Variants in CCNE2 observed in about 807,000 individuals in gnomAD.
CCNE2 encodes G1/S-specific cyclin-E2.
A neutral mutation model predicts 56.8 loss-of-function variants in CCNE2; 18 were observed. That is an observed-to-expected ratio of 0.32 (90% CI 0.22 to 0.47). The LOEUF (loss-of-function observed/expected upper bound fraction) is 0.47. Among genes scored for constraint, CCNE2 ranks in the 20% least tolerant of loss-of-function variants. The pLI, the probability that CCNE2 is intolerant of heterozygous loss-of-function variation, is 1.00. For missense variants in CCNE2, 371 were observed against 467.1 expected (o/e 0.79, Z 1.90); for synonymous variants, 139 against 149.2 (o/e 0.93, Z 0.50).
chr8:94,896,066 G>C (rs1379430556), upstream of CCNE2: 2 of 153,714 alleles, frequency 1.3e-5, no homozygotes, highest in South Asian at 2.1e-4. Flanking sequence ...CGCAGGAAAC[G>C]CTCGCGCCAC....
intron 6 of CCNE2, among the ~76,000 whole-genome samples, chr8:94,889,930 A>G (rs1021255115): frequency 6.6e-6 from 1 of 152,212 alleles, no homozygotes; most frequent in Non-Finnish European, 1.5e-5. Context: ...GAATATAATA[A>G]AGAGAAGGTA....
upstream of CCNE2, chr8:94,895,820 C>G (rs541040353): frequency 1.3e-5 from 2 of 152,566 alleles, no homozygotes; most frequent in South Asian, 2.1e-4. Context: ...ACGCGCCTGG[C>G]CAAGTGCGGC....
intron 5 of CCNE2, chr8:94,891,659 CAAAAAAA>C (rs34021439): frequency 3.8e-5 from 10 of 263,344 alleles, no homozygotes; most frequent in East Asian, 9.8e-5. Context: ...CCTCTGTCTC[CAAAAAAA>C]AAAAAAAAAA....
chr8:94,883,254 CG>C (rs1816900303), intron 9 of CCNE2, among the ~76,000 whole-genome samples: 1 of 148,224 alleles, frequency 6.7e-6, no homozygotes, highest in Non-Finnish European at 1.5e-5. Flanking sequence ...CCAGCCTGGG[CG>C]AAAGAGCGAG....
In CCNE2 at chr8:94,892,361, C is replaced by T. The variant is rs75784111; in HGVS notation, c.317+457G>A. ...AGGCCAATCATAAATTAATACAGTA[C>T]ATGTTTTGTATAAGCTGTACCTCTT... On this transcript the variant is annotated intron_variant, in intron 5 of 11. Transcript: ENST00000308108. Among the ~76,000 whole-genome samples the T allele has an allele frequency of 4.7e-4, 72 of 152,264 alleles. 2 individuals carry two copies. In the East Asian group the frequency reaches 0.013, roughly 28 times the overall value.
chr8:94,883,276 A>C (rs1816901834), intron 9 of CCNE2, among the ~76,000 whole-genome samples: 1 of 118,968 alleles, frequency 8.4e-6, no homozygotes, highest in South Asian at 2.5e-4. Flanking sequence ...ACTCCGTCTC[A>C]AAAAAAAAAA....
At position 94,885,166 on chromosome 8, in the gene CCNE2, G is replaced by C. The variant is rs756107996; in HGVS notation, c.732C>G (p.Ile244Met). Residue 244 changes from isoleucine to methionine, a missense_variant, in exon 9 of 12, where the codon ATC (isoleucine) becomes ATG (methionine). Physicochemically the swap from Ile to Met is conservative, Grantham distance 10. Coordinates refer to ENST00000308108, the MANE Select transcript of CCNE2 (RefSeq NM_057749.3). Reference sequence around the variant, plus strand: ...CTTGGAGAAAGAGATTTAGCCAGGAGATGATTGTTACAGGACAAAGTTCCC... The same window carrying C: ...CTTGGAGAAAGAGATTTAGCCAGGACATGATTGTTACAGGACAAAGTTCCC... ...LKWELCPVTI[I>M]SWLNLFLQVD... 4 of 1,613,556 alleles carry C rather than the reference G, an allele frequency of 2.5e-6. No homozygotes were observed. In the Admixed American group the frequency reaches 6.7e-5, roughly 27 times the overall value.
At chr8:94,892,603 C>A (rs1449759092) in intron 5 of CCNE2, among the ~76,000 whole-genome samples, 1 of 152,126 alleles carries the variant, frequency 6.6e-6, no homozygotes, top group Admixed American at 6.6e-5. Context: ...TAGTACTCAG[C>A]AAGCAAATGA....
chr8:94,887,982 T>C lies in CCNE2; in HGVS notation c.545A>G (p.Lys182Arg), dbSNP rs571246367. ...AATTCCAATGAGTTGAAGCATATTT[T>C]TATTTATATCCTTTTGTGTCAACAT... ...RFMLTQKDIN[K>R]NMLQLIGITS... The change falls in exon 7 of 12, where the codon AAA (lysine) becomes AGA (arginine). Residue 182 changes from lysine (K) to arginine (R), a missense_variant. Coordinates refer to ENST00000308108, the MANE Select transcript of CCNE2 (RefSeq NM_057749.3). 7.1e-5 allele frequency: 113 copies of C among 1,597,210 alleles called. 2 individuals are homozygous for C. The South Asian group carries it at 8.3e-4, about 12-fold the overall frequency.
At chr8:94,887,354 AATC>A (rs1817076233) in intron 7 of CCNE2, among the ~76,000 whole-genome samples, 1 of 151,958 alleles carries the variant, frequency 6.6e-6, no homozygotes, top group South Asian at 2.1e-4. Flanking sequence ...AAAATACAAA[AATC>A]AGCTGGGCGT....
intron 6 of CCNE2, 146 bp from the exon 7 acceptor site, chr8:94,888,219 GT>G (rs1312610549): frequency 1.9e-6 from 1 of 522,174 alleles, no homozygotes; most frequent in Non-Finnish European, 3.4e-6. Flanking sequence ...AAACTAAGAT[GT>G]ACTATTAGGA....
chr8:94,894,461 G>A, intron 1 of CCNE2: 1 of 551,168 alleles, frequency 1.8e-6, no homozygotes, highest in Admixed American at 3.3e-5. Context: ...CAGCTGGAAC[G>A]CGAGTGTCCA....
rs927613303 is a variant in CCNE2 at position 94,881,520 on chromosome 8, A to C, written c.*112T>G. 6 of 997,066 alleles carry C rather than the reference A, an allele frequency of 6.0e-6. No homozygotes were observed. The highest frequency in any genetic ancestry group is 5.3e-5 in the Admixed American group (2 of 37,690). The allele number at this position is 997,066 out of a possible 1,614,324, so 61.8% of individuals were successfully genotyped here. ...ATCAGAATGGCAGTGTAACTTGTGAATTGGCTAGGGCAATCAATCACAGCA... is the reference window on the plus strand; with the variant it reads ...ATCAGAATGGCAGTGTAACTTGTGACTTGGCTAGGGCAATCAATCACAGCA... On this transcript the variant is annotated 3_prime_UTR_variant, in exon 12 of 12. Coordinates refer to ENST00000308108, the MANE Select transcript of CCNE2 (RefSeq NM_057749.3).
intron 6 of CCNE2, 77 bp downstream of exon 6, chr8:94,890,338 T>A (rs1258022583): frequency 1.7e-6 from 2 of 1,194,902 alleles, no homozygotes; most frequent in Non-Finnish European, 2.2e-6. Context: ...CTCTTGAGAG[T>A]ACATAGAAAG....
chr8:94,881,643 C>T lies in CCNE2; in HGVS notation c.1204G>A (p.Gly402Arg), dbSNP rs762832199. The change falls in exon 12 of 12, where the codon GGA becomes AGA. Residue 402 changes from glycine to arginine, a missense_variant. Gly to Arg is a moderately radical substitution (Grantham distance 125, BLOSUM62 -2). Coordinates refer to ENST00000308108, the MANE Select transcript of CCNE2 (RefSeq NM_057749.3). Reference sequence around the variant, plus strand: ...CTTAGTTATCTTCTTTAGTGTTTTCCTGGTGGTTTTTCAGTGCTCTTCGGT... The same window carrying T: ...CTTAGTTATCTTCTTTAGTGTTTTCTTGGTGGTTTTTCAGTGCTCTTCGGT... ...TPPKSTEKPP[G>R]KH 9.9e-6 allele frequency: 16 copies of T among 1,612,858 alleles called. No individual in the cohort carries two copies. The highest frequency in any genetic ancestry group is 1.4e-5 in the Non-Finnish European group (16 of 1,179,584).
At chr8:94,891,294 G>A in intron 5 of CCNE2, 1 of 218,170 alleles carries the variant, frequency 4.6e-6, no homozygotes, top group South Asian at 8.4e-5. Flanking sequence ...AAATCAAGAG[G>A]TTCAAATCTT....
In CCNE2 at chr8:94,890,294, C is replaced by CA. The variant is rs566093383; in HGVS notation, c.453+120dup. On this transcript the variant is annotated intron_variant, in intron 6 of 11. Coordinates refer to ENST00000308108, the MANE Select transcript of CCNE2 (RefSeq NM_057749.3). ...GTGCAATCAACTACAGTAAGTACCT[C>CA]AAAAAAGACAGCTTCCTGGGGATGA... 16 of 841,224 alleles carry CA rather than the reference C, an allele frequency of 1.9e-5. No homozygotes were observed. In the East Asian group the frequency reaches 4.3e-4, roughly 23 times the overall value. 52.1% of individuals were successfully genotyped at this position (841,224 alleles called of 1,614,324 possible).
rs1816981464 is a variant in CCNE2, at chr8:94,885,011, T to C, written c.831+56A>G. ...GGTATAGCCTATTTAAGACTATATA[T>C]ACACTAAAACCTGTAATTAATAACA... On this transcript the variant is annotated intron_variant, in intron 9 of 11. Transcript: ENST00000308108. The C allele has an allele frequency of 6.0e-6, 9 of 1,511,492 alleles. 1 individual carries two copies. Among genetic ancestry groups the C allele is most frequent in the South Asian group, 4.6e-5 (4 of 86,338 alleles). The allele number at this position is 1,511,492 out of a possible 1,614,324, so 93.6% of individuals were successfully genotyped here. A position where few individuals can be genotyped will look rare whatever the true frequency, so the allele number is the denominator to read the frequency against.
chr8:94,885,006 A>C lies in CCNE2; in HGVS notation c.831+61T>G, dbSNP rs1033475813. On this transcript the variant is annotated intron_variant, in intron 9 of 11. Coordinates refer to ENST00000308108, the MANE Select transcript of CCNE2 (RefSeq NM_057749.3). Reference sequence around the variant, plus strand: ...TTTGTGGTATAGCCTATTTAAGACTATATATACACTAAAACCTGTAATTAA... The same window carrying C: ...TTTGTGGTATAGCCTATTTAAGACTCTATATACACTAAAACCTGTAATTAA... 1.7e-5 allele frequency: 25 copies of C among 1,471,970 alleles called. No individual in the cohort carries two copies. The African/African-American group carries it at 2.2e-4, about 13-fold the overall frequency. 91.2% of individuals were successfully genotyped at this position (1,471,970 alleles called of 1,614,324 possible).
Sources: allele counts gnomAD v4.1 joint callset (sites outside exome capture counted in the v4.1 genomes callset), GRCh38; gene constraint gnomAD v4.1.1; transcripts MANE v1.5; gene names NCBI Gene and HGNC (gene_info 2026-07-23, HGNC 2026-07-21).